Variants in LAMA2 observed in about 807,000 individuals in gnomAD.
LAMA2 encodes laminin subunit alpha 2.
LAMA2 carries 269 observed loss-of-function variants against 364.8 expected under a neutral mutation model. The observed-to-expected ratio is 0.74, with a 90% confidence interval of 0.67 to 0.82. The LOEUF (loss-of-function observed/expected upper bound fraction) is 0.82. LAMA2 is among the 40% of genes least tolerant of loss of function. The probability of loss-of-function intolerance (pLI) is 0.00; values close to 1 mark genes in which losing one functional copy is unlikely to be tolerated. For synonymous variants in LAMA2, 1,379 were observed against 1,370.6 expected (o/e 1.01, Z -0.14); for missense variants, 3,807 against 3,873.2 (o/e 0.98, Z 0.45).
rs976858773 is a variant in LAMA2, at chr6:129,106,804, G to A, written c.639+8389G>A. ...TTTAATAAAATAAAGATAAAATTAAGAGGATTATATTCCTCCTTTTTCTTT... is the reference window on the plus strand; with the variant it reads ...TTTAATAAAATAAAGATAAAATTAAAAGGATTATATTCCTCCTTTTTCTTT... On this transcript the variant is annotated intron_variant, in intron 4 of 64. Transcript: ENST00000421865. Among the ~76,000 whole-genome samples the A allele has an allele frequency of 2.8e-4, 41 of 148,946 alleles. 1 individual carries two copies. The highest frequency in any genetic ancestry group is 2.7e-4 in the Non-Finnish European group (18 of 67,514).
chr6:129,376,020 G>A (rs1283016717), intron 34 of LAMA2, among the ~76,000 whole-genome samples: 2 of 152,084 alleles, frequency 1.3e-5, no homozygotes, highest in African/African-American at 4.8e-5. Context: ...ACTCTAACCT[G>A]TTGTTATTTA....
intron 1 of LAMA2, among the ~76,000 whole-genome samples, chr6:129,029,145 A>C (rs1386150883): frequency 6.6e-6 from 1 of 152,010 alleles, no homozygotes; most frequent in African/African-American, 2.4e-5. Context: ...TGGAAAACTG[A>C]TAAGCAATTT....
intron 18 of LAMA2, among the ~76,000 whole-genome samples, chr6:129,283,042 A>G (rs1362339694): frequency 1.3e-5 from 2 of 152,182 alleles, no homozygotes; most frequent in Non-Finnish European, 2.9e-5. Flanking sequence ...CACAAGTTGA[A>G]CACTAGTTAC....
Position 129,304,505 on chromosome 6 carries a change from C to T in LAMA2, c.3174+3633C>T, listed in dbSNP as rs375201946. 9.9e-5 allele frequency among the ~76,000 whole-genome samples: 15 copies of T among 152,164 alleles called. No individual in the cohort carries two copies. The East Asian group carries it at 1.3e-3, about 14-fold the overall frequency. ...GTCTCGATCTCCTGACCTCGTGATCCGCCAGCCTCAGCCTCCCAAAATGCT... is the reference window on the plus strand; with the variant it reads ...GTCTCGATCTCCTGACCTCGTGATCTGCCAGCCTCAGCCTCCCAAAATGCT... On this transcript the variant is annotated intron_variant, in intron 22 of 64. Transcript: ENST00000421865.
At chr6:129,228,808 C>T (rs1784494892) in intron 12 of LAMA2, among the ~76,000 whole-genome samples, 2 of 152,216 alleles carry the variant, frequency 1.3e-5, no homozygotes, top group Admixed American at 1.3e-4. Flanking sequence ...AGCTGTGGCT[C>T]TAACTGTCCT....
At chr6:129,201,244 C>T (rs1302880856) in intron 12 of LAMA2, among the ~76,000 whole-genome samples, 3 of 152,156 alleles carry the variant, frequency 2.0e-5, no homozygotes, top group Non-Finnish European at 2.9e-5. Flanking sequence ...AAGCCAAACA[C>T]AGCCTGGCCT....
intron 19 of LAMA2, among the ~76,000 whole-genome samples, 159 bp downstream of exon 19, chr6:129,288,217 C>G (rs1209097985): frequency 6.6e-6 from 1 of 152,130 alleles, no homozygotes; most frequent in Non-Finnish European, 1.5e-5. Context: ...CAGAACATTT[C>G]CTTGTACTAA....
chr6:129,199,461 C>T (rs914160913), intron 12 of LAMA2, among the ~76,000 whole-genome samples: 7 of 152,042 alleles, frequency 4.6e-5, no homozygotes, highest in African/African-American at 1.4e-4. Context: ...TATAACGACT[C>T]CCACTTAACA....
chr6:129,371,700 G>C (rs943173361), intron 34 of LAMA2, among the ~76,000 whole-genome samples: 1 of 149,854 alleles, frequency 6.7e-6, no homozygotes, highest in East Asian at 2.0e-4. Flanking sequence ...TCCGCCTCCC[G>C]GGTTCAAGTG....
intron 55 of LAMA2, among the ~76,000 whole-genome samples, chr6:129,484,204 A>G (rs74894333): frequency 0.011 from 1,688 of 152,330 alleles, 30 homozygotes; most frequent in African/African-American, 0.039. Flanking sequence ...TGTCCCCAAA[A>G]GGGGAAAAGC....
chr6:129,159,774 C>T (rs1779346808), intron 8 of LAMA2, among the ~76,000 whole-genome samples: 2 of 152,082 alleles, frequency 1.3e-5, no homozygotes, highest in South Asian at 2.1e-4. Flanking sequence ...CAGTAGGTCC[C>T]CTACTATTCC....
chr6:129,278,195 C>A (rs771389473), intron 17 of LAMA2, among the ~76,000 whole-genome samples: 1 of 152,114 alleles, frequency 6.6e-6, no homozygotes, highest in Non-Finnish European at 1.5e-5. Context: ...GAGCAAGACT[C>A]TGTCTCAAAT....
intron 1 of LAMA2, among the ~76,000 whole-genome samples, chr6:128,954,838 G>T (rs1375831767): frequency 6.6e-6 from 1 of 151,822 alleles, no homozygotes; most frequent in East Asian, 1.9e-4. Flanking sequence ...ATAAGCCTGT[G>T]CCTGTTCCAA....
chr6:129,509,020 G>C (rs1392795416), intron 62 of LAMA2, among the ~76,000 whole-genome samples: 1 of 152,010 alleles, frequency 6.6e-6, no homozygotes, highest in African/African-American at 2.4e-5. Context: ...ATTTGTTATT[G>C]CCTGTCTTTT....
intron 8 of LAMA2, chr6:129,157,978 C>G: frequency 1.2e-6 from 2 of 1,613,900 alleles, no homozygotes; most frequent in South Asian, 2.2e-5. Flanking sequence ...ACAGCAAGGC[C>G]CAGGTCAGCA....
intron 1 of LAMA2, among the ~76,000 whole-genome samples, chr6:128,952,900 C>T (rs375383220): frequency 1.2e-4 from 18 of 152,160 alleles, no homozygotes; most frequent in East Asian, 5.8e-4. Flanking sequence ...GGACTCTCCC[C>T]TCTCTCTTCT....
intron 1 of LAMA2, among the ~76,000 whole-genome samples, chr6:128,888,232 T>C (rs1402625523): frequency 6.6e-6 from 1 of 152,148 alleles, no homozygotes; most frequent in East Asian, 1.9e-4. Flanking sequence ...CTTTCCCCAT[T>C]GGTAAGACTG....
chr6:128,970,258 C>T (rs551536174), intron 1 of LAMA2, among the ~76,000 whole-genome samples: 23 of 151,956 alleles, frequency 1.5e-4, no homozygotes, highest in Admixed American at 3.3e-4. Flanking sequence ...GAAACTTATT[C>T]GACTTTTATT....
At chr6:129,193,960 T>C (rs1378697444) in intron 12 of LAMA2, among the ~76,000 whole-genome samples, 2 of 152,148 alleles carry the variant, frequency 1.3e-5, no homozygotes, top group South Asian at 2.1e-4. Context: ...TTACAAAAAA[T>C]GTGTAAATGT....
Sources: gnomAD v4.1 joint callset for allele counts (sites outside exome capture counted in the v4.1 genomes callset) on GRCh38, gnomAD v4.1.1 for gene constraint, MANE v1.5 for transcripts, NCBI Gene and HGNC (gene_info 2026-07-23, HGNC 2026-07-21) for gene names.